CMSS1: variants seen among roughly 807,000 people sequenced by gnomAD.
The protein encoded by CMSS1 is cms1 ribosomal small subunit homolog.
A neutral mutation model predicts 43.5 loss-of-function variants in CMSS1; 33 were observed. The observed-to-expected ratio is 0.76, with a 90% CI of 0.57 to 1.01. The LOEUF (loss-of-function observed/expected upper bound fraction) is 1.01, where lower values mean the gene tolerates loss of function less well. Ranked by LOEUF, CMSS1 falls within the 50% of genes least tolerant of loss-of-function variation. The pLI is 0.00. For synonymous variants in CMSS1, 115 were observed against 117.2 expected, an observed-to-expected ratio of 0.98 and a Z score of 0.12; for missense variants, 313 against 326.4, an observed-to-expected ratio of 0.96 and a Z score of 0.32.
intron 1 of CMSS1, chr3:100,041,356 A>C (rs1197476077): frequency 6.6e-6 from 1 of 152,164 alleles, no homozygotes; most frequent in Non-Finnish European, 1.5e-5. Context: ...AGATGAATGT[A>C]ACTTCAGGTC....
At chr3:100,015,337 G>A (rs1438216660) in intron 1 of CMSS1, among the ~76,000 whole-genome samples, 1 of 152,044 alleles carries the variant, frequency 6.6e-6, no homozygotes, top group East Asian at 1.9e-4. Context: ...GATGCTTCAA[G>A]CTTTGTTCTT....
chr3:99,868,009 T>G (rs1944604979), intron 1 of CMSS1, among the ~76,000 whole-genome samples: 1 of 152,216 alleles, frequency 6.6e-6, no homozygotes, highest in Admixed American at 6.5e-5. Flanking sequence ...TCTTTATTGT[T>G]TGTGGCTAGG....
At chr3:99,968,968 GAAA>G (rs11414872) in intron 1 of CMSS1, among the ~76,000 whole-genome samples, 1 of 151,336 alleles carries the variant, frequency 6.6e-6, no homozygotes, top group Non-Finnish European at 1.5e-5. Flanking sequence ...GAAGCAAAAA[GAAA>G]AAAAAATTCA....
At chr3:99,966,975 G>C (rs1010070240) in intron 1 of CMSS1, among the ~76,000 whole-genome samples, 1 of 152,092 alleles carries the variant, frequency 6.6e-6, no homozygotes, top group Non-Finnish European at 1.5e-5. Context: ...TACAGGTGGG[G>C]GATTGGATGG....
chr3:100,125,216 C>T (rs1456915022), intron 1 of CMSS1, among the ~76,000 whole-genome samples: 2 of 152,182 alleles, frequency 1.3e-5, no homozygotes, highest in Non-Finnish European at 2.9e-5. Context: ...TCATGTTACT[C>T]TAGTGCTTCT....
chr3:100,013,990 T>G (rs953454701), intron 1 of CMSS1, among the ~76,000 whole-genome samples: 13 of 152,100 alleles, frequency 8.5e-5, no homozygotes, highest in Non-Finnish European at 4.4e-5. Context: ...CACTGCCCCT[T>G]GCTCCTGGCA....
At chr3:100,024,909 G>T (rs1326058067) in intron 1 of CMSS1, among the ~76,000 whole-genome samples, 1 of 152,172 alleles carries the variant, frequency 6.6e-6, no homozygotes, top group East Asian at 1.9e-4. Context: ...ACCAGAGCAG[G>T]ACTGATATCC....
intron 1 of CMSS1, among the ~76,000 whole-genome samples, chr3:100,017,459 G>A (rs1375422628): frequency 6.6e-6 from 1 of 152,126 alleles, no homozygotes; most frequent in Non-Finnish European, 1.5e-5. Context: ...TTAACCATCT[G>A]TCCTATTTAT....
chr3:99,836,013 A>C (rs1942882211), intron 1 of CMSS1, among the ~76,000 whole-genome samples: 1 of 152,298 alleles, frequency 6.6e-6, no homozygotes, highest in Non-Finnish European at 1.5e-5. Context: ...CCAGAGTTTC[A>C]AAGGGAGATG....
At chr3:99,905,050 A>G (rs1706568483) in intron 1 of CMSS1, among the ~76,000 whole-genome samples, 1 of 152,194 alleles carries the variant, frequency 6.6e-6, no homozygotes, top group Non-Finnish European at 1.5e-5. Context: ...GCTCCATGCC[A>G]GTTAACATAG....
intron 1 of CMSS1, among the ~76,000 whole-genome samples, chr3:100,114,778 G>A (rs1337022675): frequency 6.6e-6 from 1 of 152,104 alleles, no homozygotes; most frequent in Non-Finnish European, 1.5e-5. Flanking sequence ...ACCTCATTTT[G>A]TACCCTGCAG....
At chr3:99,998,870 TG>T (rs1709761889) in intron 1 of CMSS1, among the ~76,000 whole-genome samples, 1 of 152,098 alleles carries the variant, frequency 6.6e-6, no homozygotes, top group Admixed American at 6.5e-5. Context: ...CGCCCGGCCA[TG>T]GTTCTTAAAC....
chr3:99,907,494 G>A (rs1486039497), intron 1 of CMSS1, among the ~76,000 whole-genome samples: 2 of 151,992 alleles, frequency 1.3e-5, no homozygotes, highest in South Asian at 2.1e-4. Context: ...TGATCCACCC[G>A]CCTCGGCCTC....
intron 1 of CMSS1, chr3:99,848,777 T>C (rs745474780): frequency 1.2e-6 from 2 of 1,614,152 alleles, no homozygotes; most frequent in East Asian, 2.2e-5. Context: ...TCTAAATTCA[T>C]GAGGTCTTCG....
At chr3:100,065,261 C>T (rs942576641) in intron 1 of CMSS1, among the ~76,000 whole-genome samples, 4 of 152,154 alleles carry the variant, frequency 2.6e-5, no homozygotes, top group Non-Finnish European at 4.4e-5. Context: ...TATGTTTTAA[C>T]GAGAATATCC....
intron 1 of CMSS1, among the ~76,000 whole-genome samples, chr3:99,918,325 A>G (rs1316683022): frequency 1.3e-5 from 2 of 152,162 alleles, no homozygotes; most frequent in African/African-American, 2.4e-5. Context: ...GGAATTTGCC[A>G]AAAGTTATAC....
chr3:100,006,437 A>T (rs562865809), intron 1 of CMSS1, among the ~76,000 whole-genome samples: 1 of 152,184 alleles, frequency 6.6e-6, no homozygotes, highest in African/African-American at 2.4e-5. Context: ...CCACAAATGG[A>T]TAAATTTGGT....
chr3:100,125,208 A>G (rs557651295), intron 1 of CMSS1, among the ~76,000 whole-genome samples: 243 of 152,242 alleles, frequency 1.6e-3, no homozygotes, highest in African/African-American at 5.4e-3. Context: ...TTTTGTTATC[A>G]TGTTACTCTA....
chr3:99,958,353 A>G (rs1708398542), intron 1 of CMSS1, among the ~76,000 whole-genome samples: 1 of 151,972 alleles, frequency 6.6e-6, no homozygotes, highest in African/African-American at 2.4e-5. Flanking sequence ...CGGCTTGAGC[A>G]GAGCCATGAA....
Sources: gnomAD v4.1 joint callset for allele counts (sites outside exome capture counted in the v4.1 genomes callset) on GRCh38, gnomAD v4.1.1 for gene constraint, MANE v1.5 for transcripts, NCBI Gene and HGNC (gene_info 2026-07-23, HGNC 2026-07-21) for gene names.